SLC2A9: variants seen among roughly 807,000 people sequenced by gnomAD.
SLC2A9 encodes solute carrier family 2, facilitated glucose transporter member 9.
In SLC2A9, 39 loss-of-function variants were observed where a neutral mutation model predicts 50.6. That is an observed-to-expected ratio of 0.77 (90% CI 0.60 to 1.01). The LOEUF (loss-of-function observed/expected upper bound fraction) is 1.01. Ranked by LOEUF, SLC2A9 falls within the 50% of genes least tolerant of loss-of-function variation. SLC2A9 has a pLI of 0.00. For missense variants in SLC2A9, 686 were observed against 677.6 expected (o/e 1.01, Z -0.14); for synonymous variants, 324 against 276.9 (o/e 1.17, Z -1.69).
At chr4:9,812,370 T>A (rs1722999793) in intron 3 of SLC2A9, among the ~76,000 whole-genome samples, 1 of 152,202 alleles carries the variant, frequency 6.6e-6, no homozygotes, top group Non-Finnish European at 1.5e-5. Context: ...AGAATTGTGT[T>A]AAATTCCAAG....
intron 5 of SLC2A9, among the ~76,000 whole-genome samples, chr4:9,954,819 G>A (rs1255022067): frequency 1.3e-5 from 2 of 152,144 alleles, no homozygotes; most frequent in African/African-American, 4.8e-5. Flanking sequence ...TGATGGTCAG[G>A]CAGTTGTTAA....
At chr4:9,846,779 A>G (rs958088787) in intron 10 of SLC2A9, among the ~76,000 whole-genome samples, 2 of 152,234 alleles carry the variant, frequency 1.3e-5, no homozygotes, top group East Asian at 1.9e-4. Context: ...TAAAAGAAAT[A>G]AAGTGCACAC....
intron 11 of SLC2A9, 115 bp from the exon 12 acceptor site, chr4:9,826,715 C>A: frequency 1.1e-6 from 1 of 936,392 alleles, no homozygotes; most frequent in Admixed American, 1.9e-5. Context: ...TACTCCTAGA[C>A]AAAACACCAT....
chr4:9,781,865 C>T (rs1718442951), intron 3 of SLC2A9: 1 of 557,204 alleles, frequency 1.8e-6, no homozygotes, highest in South Asian at 4.0e-5. Context: ...CAAGAGAAGT[C>T]CCCGCGCGCT....
At chr4:9,903,275 A>G (rs1258944704) in intron 8 of SLC2A9, among the ~76,000 whole-genome samples, 2 of 148,044 alleles carry the variant, frequency 1.4e-5, no homozygotes, top group African/African-American at 5.0e-5. Flanking sequence ...TTTTTTTTTT[A>G]CTACAAGTCA....
At chr4:9,908,446 C>CA in intron 7 of SLC2A9, 101 bp from the exon 8 acceptor site, 3 of 807,422 alleles carry the variant, frequency 3.7e-6, no homozygotes, top group Admixed American at 2.0e-5. Context: ...GGATTAAACT[C>CA]AGAGTCCCAA....
At chr4:9,890,360 T>C (rs954244892) in intron 9 of SLC2A9, among the ~76,000 whole-genome samples, 2 of 152,114 alleles carry the variant, frequency 1.3e-5, no homozygotes, top group African/African-American at 4.8e-5. Context: ...TTGCCCAAGA[T>C]CACACGGCTC....
chr4:10,018,472 G>C (rs1762978300), intron 2 of SLC2A9, among the ~76,000 whole-genome samples: 2 of 152,184 alleles, frequency 1.3e-5, no homozygotes, highest in South Asian at 4.1e-4. Flanking sequence ...AACGTGGGAG[G>C]CGGCGGTTGC....
At chr4:9,887,889 C>G (rs963351102) in intron 9 of SLC2A9, among the ~76,000 whole-genome samples, 3 of 152,164 alleles carry the variant, frequency 2.0e-5, no homozygotes, top group African/African-American at 7.2e-5. Context: ...TCCTGGCATA[C>G]AGGAAGTGGT....
chr4:9,773,907 C>T (rs1229676333), intron 1 of SLC2A9, among the ~76,000 whole-genome samples: 4 of 152,028 alleles, frequency 2.6e-5, no homozygotes, highest in East Asian at 3.9e-4. Context: ...GGAGACCTAG[C>T]TGCACATTAT....
At chr4:9,858,214 A>C (rs866775275) in intron 10 of SLC2A9, among the ~76,000 whole-genome samples, 4 of 152,348 alleles carry the variant, frequency 2.6e-5, no homozygotes, top group Middle Eastern at 3.4e-3. Flanking sequence ...GGAAAGGTAC[A>C]GAGGTTCAAA....
intron 8 of SLC2A9, among the ~76,000 whole-genome samples, chr4:9,903,407 C>A (rs1740029719): frequency 6.6e-6 from 1 of 152,092 alleles, no homozygotes; most frequent in South Asian, 2.1e-4. Flanking sequence ...AGTGAGCCCT[C>A]ACCCCACAAA....
intron 3 of SLC2A9, 32 bp from the exon 4 acceptor site, chr4:9,985,825 T>C (rs1158131129): frequency 6.2e-7 from 1 of 1,613,798 alleles, no homozygotes; most frequent in East Asian, 2.2e-5. Flanking sequence ...GATGAAGATG[T>C]CTAACCATGA....
At chr4:10,007,440 C>T (rs77251997) in intron 2 of SLC2A9, among the ~76,000 whole-genome samples, 2,098 of 152,302 alleles carry the variant, frequency 0.014, 21 homozygotes, top group Middle Eastern at 0.054. Flanking sequence ...AAGCAACAGC[C>T]AGGCAAGTAA....
intron 10 of SLC2A9, chr4:9,880,216 A>C: frequency 1.0e-6 from 1 of 985,446 alleles, no homozygotes; most frequent in Non-Finnish European, 1.2e-6. Context: ...TGAGGCTTTA[A>C]ACTGTACACT....
intron 5 of SLC2A9, among the ~76,000 whole-genome samples, chr4:9,942,434 G>T (rs549138948): frequency 1.3e-5 from 2 of 152,264 alleles, no homozygotes; most frequent in South Asian, 4.1e-4. Flanking sequence ...CCCAAGAATG[G>T]AGCCTGCATG....
rs1006115390 is a variant in SLC2A9 at position 10,021,461 on chromosome 4, C to T, written c.-32G>A. The stretch of plus-strand genomic sequence containing the variant: ...CAGTGACCCAGCTGATGGCTCAGTC[C>T]AGGGACCCCAGACTCTGCCAAGGCA... On this transcript the variant is annotated 5_prime_UTR_variant, in exon 1 of 12. Transcript: ENST00000264784. The T allele has an allele frequency of 2.5e-6, 4 of 1,613,598 alleles. No homozygotes were observed. The highest frequency in any genetic ancestry group is 3.4e-6 in the Non-Finnish European group (4 of 1,179,892).
At chr4:9,924,270 T>G (rs1026440374) in intron 6 of SLC2A9, 1 of 152,296 alleles carries the variant, frequency 6.6e-6, no homozygotes, top group African/African-American at 2.4e-5. Context: ...ATGTCTCTCC[T>G]GCACATGGAC....
At chr4:9,933,995 T>C (rs1160258524) in intron 6 of SLC2A9, among the ~76,000 whole-genome samples, 1 of 152,242 alleles carries the variant, frequency 6.6e-6, no homozygotes, top group Non-Finnish European at 1.5e-5. Context: ...AGTCCAGGAC[T>C]ACTCATTCCA....
Sources: allele counts gnomAD v4.1 joint callset (sites outside exome capture counted in the v4.1 genomes callset), GRCh38; gene constraint gnomAD v4.1.1; transcripts MANE v1.5; gene names NCBI Gene and HGNC (gene_info 2026-07-23, HGNC 2026-07-21).